The following CLVS1 variants were observed in gnomAD, a reference collection of about 807,000 sequenced individuals.
CLVS1 encodes clavesin-1.
In CLVS1, 10 loss-of-function variants were observed where a neutral mutation model predicts 33.1. The observed-to-expected ratio is 0.30, with a 90% confidence interval of 0.19 to 0.51. The LOEUF is 0.51. CLVS1 is among the 20% of genes least tolerant of loss of function. CLVS1 has a pLI of 0.97. For synonymous variants in CLVS1, 163 were observed against 166.1 expected, an observed-to-expected ratio of 0.98 and a Z score of 0.14; for missense variants, 343 against 433.4, an observed-to-expected ratio of 0.79 and a Z score of 1.85.
the CLVS1 span, among the ~76,000 whole-genome samples, chr8:60,984,861 G>T: frequency 1.3e-5 from 2 of 152,130 alleles, no homozygotes; most frequent in Non-Finnish European, 2.9e-5. Context: ...AAGTGACAGA[G>T]CTGCTCCTGG....
chr8:61,254,358 T>C (rs1047368132), intron 2 of CLVS1, among the ~76,000 whole-genome samples: 2 of 152,226 alleles, frequency 1.3e-5, no homozygotes, highest in Non-Finnish European at 2.9e-5. Flanking sequence ...GTTAGGCTAC[T>C]CAGGGGTCAG....
chr8:61,205,361 A>G (rs959324457), intron 2 of CLVS1, among the ~76,000 whole-genome samples: 1 of 152,104 alleles, frequency 6.6e-6, no homozygotes, highest in Admixed American at 6.6e-5. Context: ...GTCTCACATC[A>G]ATGGAATCAT....
chr8:61,265,723 C>T (rs1053259891), intron 2 of CLVS1, among the ~76,000 whole-genome samples: 2 of 152,186 alleles, frequency 1.3e-5, no homozygotes, highest in Non-Finnish European at 2.9e-5. Context: ...GCCTGCTCCA[C>T]TTACCCTCTG....
chr8:61,325,247 G>A (rs931349162), intron 2 of CLVS1, among the ~76,000 whole-genome samples: 3 of 151,932 alleles, frequency 2.0e-5, no homozygotes, highest in African/African-American at 7.3e-5. Flanking sequence ...AACTATGTGA[G>A]GATGTGAACA....
intron 2 of CLVS1, among the ~76,000 whole-genome samples, chr8:61,344,380 T>G (rs184781928): frequency 2.5e-4 from 38 of 152,246 alleles, no homozygotes; most frequent in Non-Finnish European, 4.6e-4. Context: ...ACATCCAGAT[T>G]CCACTGTCTG....
intron 2 of CLVS1, among the ~76,000 whole-genome samples, chr8:61,302,008 C>A (rs1046663388): frequency 2.6e-5 from 4 of 151,978 alleles, no homozygotes; most frequent in Non-Finnish European, 5.9e-5. Flanking sequence ...TGGGTTTAAC[C>A]TAAAAATATA....
chr8:61,158,966 A>G (rs1405814886), intron 2 of CLVS1, among the ~76,000 whole-genome samples: 1 of 152,172 alleles, frequency 6.6e-6, no homozygotes, highest in Admixed American at 6.5e-5. Flanking sequence ...AGCTAGGACT[A>G]CAGGCATGGG....
chr8:61,499,436 T>A lies in CLVS1; in HGVS notation c.978-19T>A. ...ATGAATTGTTTGTAATTCTGTCTTT[T>A]TCCCTCCCCTCTTGTTAGATCTCAG... is the stretch of plus-strand genomic sequence containing the variant. On this transcript the variant is annotated intron_variant, in intron 5 of 5. Transcript: ENST00000325897. 6.4e-7 allele frequency: 1 copy of A among 1,571,472 alleles called. No homozygotes were observed. The highest frequency in any genetic ancestry group is 8.8e-7 in the Non-Finnish European group (1 of 1,141,386).
intron 3 of CLVS1, among the ~76,000 whole-genome samples, chr8:61,403,513 A>G (rs1224675225): frequency 6.6e-6 from 1 of 152,172 alleles, no homozygotes; most frequent in Non-Finnish European, 1.5e-5. Context: ...TGAGATTGGG[A>G]TGGAAACAGT....
intron 2 of CLVS1, among the ~76,000 whole-genome samples, chr8:61,144,235 G>T (rs185966113): frequency 3.9e-4 from 59 of 152,178 alleles, no homozygotes; most frequent in Non-Finnish European, 7.8e-4. Context: ...GGTGTGTGAT[G>T]TTCCCCTCCC....
chr8:61,114,869 A>AT (rs1217196377), intron 1 of CLVS1, among the ~76,000 whole-genome samples: 2 of 152,362 alleles, frequency 1.3e-5, no homozygotes, highest in East Asian at 3.9e-4. Context: ...AACAAAACAA[A>AT]TATAACAACA....
chr8:61,491,359 G>A (rs1030648885), intron 5 of CLVS1, among the ~76,000 whole-genome samples: 6 of 152,104 alleles, frequency 3.9e-5, no homozygotes, highest in Non-Finnish European at 5.9e-5. Flanking sequence ...ACAAGAAGAG[G>A]TGCCCAAACC....
chr8:61,166,030 C>CTTTTTTTTTTTTTT (rs1394098764), intron 2 of CLVS1, among the ~76,000 whole-genome samples: 1 of 33,932 alleles, frequency 2.9e-5, no homozygotes, highest in Non-Finnish European at 1.2e-4. Context: ...AGCATCTAAG[C>CTTTTTTTTTTTTTT]GTTTTTTTTT....
chr8:61,168,091 C>G (rs1051425470), intron 2 of CLVS1, among the ~76,000 whole-genome samples: 1 of 152,150 alleles, frequency 6.6e-6, no homozygotes, highest in African/African-American at 2.4e-5. Context: ...GATCGAAGAA[C>G]CCTCTTGGGG....
the CLVS1 span, among the ~76,000 whole-genome samples, chr8:61,001,031 C>T: frequency 6.6e-6 from 1 of 152,210 alleles, no homozygotes; most frequent in Non-Finnish European, 1.5e-5. Flanking sequence ...CTACCTCACA[C>T]ACCCCCTTAA....
chr8:61,275,271 C>A (rs1447186086), intron 2 of CLVS1, among the ~76,000 whole-genome samples: 1 of 152,016 alleles, frequency 6.6e-6, no homozygotes, highest in African/African-American at 2.4e-5. Context: ...CTGCCTTATT[C>A]CTGACCCCAT....
In CLVS1 at chr8:61,199,281, C is replaced by T. The variant is rs558562218; in HGVS notation, c.-152+67421C>T. ...TGAGACATAATTAAACTAAAAAGCTCTGCACAGCAGAAGAAATAATCAACA... is the reference window on the plus strand; with the variant it reads ...TGAGACATAATTAAACTAAAAAGCTTTGCACAGCAGAAGAAATAATCAACA... On this transcript the variant is annotated intron_variant, in intron 2 of 2. Transcript: ENST00000522621. 2.6e-5 allele frequency among the ~76,000 whole-genome samples: 4 copies of T among 152,224 alleles called. No homozygotes were observed. In the South Asian group the frequency reaches 8.3e-4, roughly 32 times the overall value.
the CLVS1 span, among the ~76,000 whole-genome samples, chr8:61,035,187 C>CTTTTTTTTTTT: frequency 1.9e-3 from 245 of 129,212 alleles, no homozygotes; most frequent in East Asian, 3.1e-3. Context: ...TTTCTTTTTT[C>CTTTTTTTTTTT]TTTTTTTTTT....
intron 2 of CLVS1, among the ~76,000 whole-genome samples, chr8:61,312,407 C>A (rs1810860969): frequency 6.6e-6 from 1 of 152,146 alleles, no homozygotes; most frequent in Non-Finnish European, 1.5e-5. Flanking sequence ...TTGCCACTAT[C>A]CTGCAAAATA....
Sources: allele counts gnomAD v4.1 joint callset (sites outside exome capture counted in the v4.1 genomes callset), GRCh38; gene constraint gnomAD v4.1.1; transcripts MANE v1.5; gene names NCBI Gene and HGNC (gene_info 2026-07-23, HGNC 2026-07-21).